The following AGBL4 variants were observed in gnomAD, a reference collection of about 807,000 sequenced individuals.
The protein encoded by AGBL4 is AGBL carboxypeptidase 4.
A neutral mutation model predicts 66.4 loss-of-function variants in AGBL4; 58 were observed. That is an observed-to-expected ratio of 0.87 (90% CI 0.71 to 1.09). The LOEUF is 1.09. Ranked by LOEUF, AGBL4 falls within the 50% of genes least tolerant of loss-of-function variation. The pLI, the probability that AGBL4 is intolerant of heterozygous loss-of-function variation, is 0.00. For synonymous variants in AGBL4, 234 were observed against 222.9 expected, an observed-to-expected ratio of 1.05 and a Z score of -0.44; for missense variants, 579 against 631.0, an observed-to-expected ratio of 0.92 and a Z score of 0.88.
At chr1:49,654,866 CTCTT>C (rs1646089580) in intron 3 of AGBL4, among the ~76,000 whole-genome samples, 1 of 152,112 alleles carries the variant, frequency 6.6e-6, no homozygotes, top group South Asian at 2.1e-4. Context: ...ATGATCTTGA[CTCTT>C]TATCCAATTT....
chr1:49,485,270 T>A (rs899822410), intron 3 of AGBL4, among the ~76,000 whole-genome samples: 2 of 151,900 alleles, frequency 1.3e-5, no homozygotes, highest in Admixed American at 6.6e-5. Context: ...TGGAATACTA[T>A]GCAGCCATAA....
At chr1:49,088,389 G>A (rs2147973159) in intron 4 of AGBL4, among the ~76,000 whole-genome samples, 1 of 152,110 alleles carries the variant, frequency 6.6e-6, no homozygotes, top group Admixed American at 6.5e-5. Context: ...AAAAGTAAAA[G>A]GATGAAGGAA....
chr1:48,639,222 T>C (rs1439404468), intron 8 of AGBL4, among the ~76,000 whole-genome samples: 5 of 152,256 alleles, frequency 3.3e-5, no homozygotes, highest in African/African-American at 1.2e-4. Flanking sequence ...GCATTTGTGA[T>C]ATTCTTCAGT....
At chr1:48,836,859 C>T (rs1646686824) in intron 6 of AGBL4, among the ~76,000 whole-genome samples, 1 of 151,646 alleles carries the variant, frequency 6.6e-6, no homozygotes, top group South Asian at 2.1e-4. Flanking sequence ...ATTTACAGAA[C>T]TTCTTTTATG....
chr1:49,072,002 C>T (rs1644614522), intron 4 of AGBL4, among the ~76,000 whole-genome samples: 3 of 152,022 alleles, frequency 2.0e-5, no homozygotes, highest in Admixed American at 1.3e-4. Context: ...TATGTAATGG[C>T]CTTCTTTGTC....
chr1:49,262,587 A>G (rs1156848587), intron 3 of AGBL4, among the ~76,000 whole-genome samples: 1 of 152,192 alleles, frequency 6.6e-6, no homozygotes, highest in Non-Finnish European at 1.5e-5. Context: ...AGAGAAATGC[A>G]AATCAAAACC....
chr1:49,144,331 A>T (rs542298688), intron 4 of AGBL4, among the ~76,000 whole-genome samples: 1 of 152,186 alleles, frequency 6.6e-6, no homozygotes, highest in African/African-American at 2.4e-5. Flanking sequence ...TGAGCCCATC[A>T]TTGAGGAAGC....
chr1:48,786,499 T>G (rs116818305), intron 6 of AGBL4, among the ~76,000 whole-genome samples: 2,367 of 152,316 alleles, frequency 0.016, 24 homozygotes, highest in Non-Finnish European at 0.023. Flanking sequence ...CTGTTCCCTT[T>G]TTCCTAGAGG....
At chr1:49,665,929 G>GTT (rs563774076) in intron 3 of AGBL4, among the ~76,000 whole-genome samples, 118 of 140,118 alleles carry the variant, frequency 8.4e-4, no homozygotes, top group African/African-American at 2.9e-3. Flanking sequence ...TGTGTCTTAA[G>GTT]TTTTTTTTTT....
chr1:49,005,007 T>G (rs913363032), intron 5 of AGBL4, among the ~76,000 whole-genome samples: 57 of 152,254 alleles, frequency 3.7e-4, no homozygotes, highest in African/African-American at 1.3e-3. Context: ...ATGGTAATAC[T>G]GGGGGACATG....
At chr1:49,534,171 C>CAAAAAA (rs71059553) in intron 3 of AGBL4, among the ~76,000 whole-genome samples, 3 of 67,048 alleles carry the variant, frequency 4.5e-5, no homozygotes, top group African/African-American at 5.8e-5. Flanking sequence ...CACCATTTTA[C>CAAAAAA]AAAAAAAAAA....
At chr1:48,799,997 G>A (rs1460041966) in intron 6 of AGBL4, among the ~76,000 whole-genome samples, 1 of 152,082 alleles carries the variant, frequency 6.6e-6, no homozygotes, top group South Asian at 2.1e-4. Context: ...TGGTATTAGG[G>A]TGATACTGGC....
chr1:49,844,632 C>T (rs1435263277), intron 2 of AGBL4: 7 of 1,505,962 alleles, frequency 4.6e-6, no homozygotes, highest in Non-Finnish European at 5.4e-6. Context: ...CATCTCACCA[C>T]AAACTCTTTT....
chr1:49,934,879 C>T lies in AGBL4; in HGVS notation c.35-83361G>A, dbSNP rs183461889. 9.7e-4 allele frequency among the ~76,000 whole-genome samples: 148 copies of T among 152,052 alleles called. 1 individual carries two copies. The highest frequency in any genetic ancestry group is 1.5e-3 in the Non-Finnish European group (102 of 67,996). ...CAAGATGGCCGAATAGGAACAGCTC[C>T]GATCTACAGCTCCCAACGTGAGCGA... is the stretch of plus-strand genomic sequence containing the variant. On this transcript the variant is annotated intron_variant, in intron 1 of 13. Coordinates refer to ENST00000371839, the MANE Select transcript of AGBL4 (RefSeq NM_032785.4).
intron 4 of AGBL4, among the ~76,000 whole-genome samples, chr1:49,071,786 T>C (rs1453019611): frequency 1.3e-5 from 2 of 151,952 alleles, no homozygotes; most frequent in Non-Finnish European, 2.9e-5. Flanking sequence ...TGAGTTCAAG[T>C]CCCCGATATC....
At chr1:48,827,199 G>A (rs1646445464) in intron 6 of AGBL4, among the ~76,000 whole-genome samples, 1 of 152,110 alleles carries the variant, frequency 6.6e-6, no homozygotes, top group Non-Finnish European at 1.5e-5. Flanking sequence ...ATTTTAGTTG[G>A]TTGCTTCCAT....
chr1:49,094,747 A>G (rs1423527454), intron 4 of AGBL4, among the ~76,000 whole-genome samples: 1 of 152,156 alleles, frequency 6.6e-6, no homozygotes, highest in Non-Finnish European at 1.5e-5. Context: ...ATGGGCAAAA[A>G]CTGGAAGCAT....
intron 3 of AGBL4, among the ~76,000 whole-genome samples, chr1:49,394,023 T>A (rs1287386699): frequency 2.0e-5 from 3 of 152,088 alleles, no homozygotes; most frequent in Non-Finnish European, 4.4e-5. Flanking sequence ...CAAAGAGGAA[T>A]GAAATCAAAT....
At chr1:49,378,496 TGA>T (rs909478364) in intron 3 of AGBL4, among the ~76,000 whole-genome samples, 7 of 151,882 alleles carry the variant, frequency 4.6e-5, no homozygotes, top group Admixed American at 4.6e-4. Flanking sequence ...AGGTAAGGAA[TGA>T]GAGAGAGAAC....
Sources: allele counts gnomAD v4.1 joint callset (sites outside exome capture counted in the v4.1 genomes callset), GRCh38; gene constraint gnomAD v4.1.1; transcripts MANE v1.5; gene names NCBI Gene and HGNC (gene_info 2026-07-23, HGNC 2026-07-21).